CRB1: variants seen among roughly 807,000 people sequenced by gnomAD.
CRB1 encodes the protein protein crumbs homolog 1.
In CRB1, 83 loss-of-function variants were observed where a neutral mutation model predicts 120.0. The ratio of observed to expected loss-of-function variants is 0.69; its 90% CI spans 0.58 to 0.83. CRB1 has a LOEUF of 0.83. Ranked by LOEUF, CRB1 falls within the 40% of genes least tolerant of loss-of-function variation. CRB1 has a pLI of 0.00. For missense variants in CRB1, 1,699 were observed against 1,687.6 expected, an observed-to-expected ratio of 1.01 and a Z score of -0.12; for synonymous variants, 625 against 612.5, an observed-to-expected ratio of 1.02 and a Z score of -0.30.
chr1:197,381,149 A>G (rs1480220180), intron 5 of CRB1, among the ~76,000 whole-genome samples: 1 of 152,188 alleles, frequency 6.6e-6, no homozygotes, highest in East Asian at 1.9e-4. Context: ...ATACCACTCT[A>G]GGGCCTTCAG....
chr1:197,220,247 G>C, the CRB1 span, among the ~76,000 whole-genome samples: 1 of 152,104 alleles, frequency 6.6e-6, no homozygotes, highest in African/African-American at 2.4e-5. Flanking sequence ...TGGATAAAGA[G>C]TTTAGGAAAT....
At chr1:197,308,887 T>G (rs966465392) in intron 1 of CRB1, among the ~76,000 whole-genome samples, 5 of 151,278 alleles carry the variant, frequency 3.3e-5, no homozygotes, top group Non-Finnish European at 7.4e-5. Context: ...ATTTACAGTA[T>G]CTACATATAT....
intron 5 of CRB1, among the ~76,000 whole-genome samples, chr1:197,380,411 C>T (rs539221518): frequency 4.6e-5 from 7 of 152,038 alleles, no homozygotes; most frequent in South Asian, 2.1e-4. Context: ...TTGCTTGAAG[C>T]GGCCATCCAG....
At chr1:197,399,997 G>C (rs1571474178) in intron 5 of CRB1, among the ~76,000 whole-genome samples, 2 of 152,130 alleles carry the variant, frequency 1.3e-5, no homozygotes, top group East Asian at 3.9e-4. Flanking sequence ...GCTAGTTCCA[G>C]TCCAGACTCA....
the CRB1 span, among the ~76,000 whole-genome samples, chr1:197,253,819 A>G: frequency 1.3e-5 from 2 of 152,094 alleles, no homozygotes; most frequent in Non-Finnish European, 1.5e-5. Flanking sequence ...AAAACTATCA[A>G]GGTTTTAAGG....
the CRB1 span, among the ~76,000 whole-genome samples, chr1:197,224,740 T>A: frequency 2.6e-5 from 4 of 152,120 alleles, no homozygotes; most frequent in Admixed American, 2.6e-4. Flanking sequence ...TATAATATTA[T>A]TAAGTTTTAT....
At chr1:197,324,424 A>G (rs1026206706) in intron 1 of CRB1, among the ~76,000 whole-genome samples, 1 of 152,198 alleles carries the variant, frequency 6.6e-6, no homozygotes, top group Non-Finnish European at 1.5e-5. Flanking sequence ...AAAAGCAAAT[A>G]ATGTTTTTTA....
chr1:197,218,557 A>G, the CRB1 span, among the ~76,000 whole-genome samples: 149 of 152,230 alleles, frequency 9.8e-4, 2 homozygotes, highest in South Asian at 0.012. Context: ...GTTTCACTTG[A>G]GTGGAATAAA....
chr1:197,361,025 C>A (rs1314498590), intron 5 of CRB1, among the ~76,000 whole-genome samples: 1 of 152,128 alleles, frequency 6.6e-6, no homozygotes, highest in Non-Finnish European at 1.5e-5. Context: ...ATGTAAGTTT[C>A]TTATTTAGCC....
intron 1 of CRB1, among the ~76,000 whole-genome samples, chr1:197,292,176 C>A (rs181575664): frequency 6.6e-6 from 1 of 151,758 alleles, no homozygotes; most frequent in Admixed American, 6.6e-5. Context: ...GCTAGCAAGA[C>A]TAATAAAGAA....
the CRB1 span, among the ~76,000 whole-genome samples, chr1:197,224,112 T>G: frequency 6.7e-6 from 1 of 149,034 alleles, no homozygotes; most frequent in Non-Finnish European, 1.5e-5. Flanking sequence ...CCGAAAAAAT[T>G]TTTCTTTAAA....
intron 5 of CRB1, among the ~76,000 whole-genome samples, chr1:197,386,702 A>G (rs1662234714): frequency 6.6e-6 from 1 of 152,150 alleles, no homozygotes; most frequent in African/African-American, 2.4e-5. Flanking sequence ...GAGGTTCTTT[A>G]TACAATCTAA....
At chr1:197,424,929 C>A (rs1452197431) in intron 6 of CRB1, among the ~76,000 whole-genome samples, 1 of 152,108 alleles carries the variant, frequency 6.6e-6, no homozygotes, top group Non-Finnish European at 1.5e-5. Flanking sequence ...TCAGGTGTTT[C>A]TAAAGTCATG....
chr1:197,284,320 C>T (rs1319534856), intron 1 of CRB1, among the ~76,000 whole-genome samples: 1 of 151,926 alleles, frequency 6.6e-6, no homozygotes, highest in Admixed American at 6.6e-5. Flanking sequence ...ATTCTGCACC[C>T]TGGGTGTGTG....
chr1:197,296,770 A>G (rs1344869903), intron 1 of CRB1, among the ~76,000 whole-genome samples: 1 of 152,026 alleles, frequency 6.6e-6, no homozygotes, highest in Non-Finnish European at 1.5e-5. Flanking sequence ...TACTGTTCTC[A>G]TGGTAGTGAA....
chr1:197,474,423 G>A (rs1667114395), intron 11 of CRB1, among the ~76,000 whole-genome samples: 1 of 152,124 alleles, frequency 6.6e-6, no homozygotes, highest in African/African-American at 2.4e-5. Context: ...CCTTGAATTT[G>A]CTCTTTTATT....
chr1:197,454,027 T>C (rs2125536918), intron 11 of CRB1, among the ~76,000 whole-genome samples: 1 of 147,326 alleles, frequency 6.8e-6, no homozygotes, highest in Non-Finnish European at 1.5e-5. Context: ...GTCTCACTCA[T>C]GTTGCCGAGG....
the CRB1 span, among the ~76,000 whole-genome samples, chr1:197,250,157 C>G: frequency 6.6e-6 from 1 of 151,884 alleles, no homozygotes; most frequent in South Asian, 2.1e-4. Context: ...CACCTGTATT[C>G]TATTCTACAG....
chr1:197,229,603 C>T, the CRB1 span, among the ~76,000 whole-genome samples: 91,288 of 151,912 alleles, frequency 0.6, 30,153 homozygotes, highest in East Asian at 0.94. Flanking sequence ...CCCTTGTTCC[C>T]CTCCTTCTCT....
Sources: gnomAD v4.1 joint callset for allele counts (sites outside exome capture counted in the v4.1 genomes callset) on GRCh38, gnomAD v4.1.1 for gene constraint, MANE v1.5 for transcripts, NCBI Gene and HGNC (gene_info 2026-07-23, HGNC 2026-07-21) for gene names.